Variants in SLC6A2 observed in about 807,000 individuals in gnomAD.
SLC6A2 encodes sodium-dependent noradrenaline transporter.
A neutral mutation model predicts 71.7 loss-of-function variants in SLC6A2; 26 were observed. The ratio of observed to expected loss-of-function variants is 0.36; its 90% CI spans 0.27 to 0.50. The LOEUF (loss-of-function observed/expected upper bound fraction) is 0.50, where lower values mean the gene tolerates loss of function less well. Ranked by LOEUF, SLC6A2 falls within the 20% of genes least tolerant of loss-of-function variation. The pLI is 0.96. For missense variants in SLC6A2, 581 were observed against 803.9 expected, an observed-to-expected ratio of 0.72 and a Z score of 3.35; for synonymous variants, 363 against 337.9, an observed-to-expected ratio of 1.07 and a Z score of -0.82.
At chr16:55,671,746 C>A (rs2142514316) in intron 3 of SLC6A2, 192 bp from the exon 4 acceptor site, 3 of 1,250,542 alleles carry the variant, frequency 2.4e-6, no homozygotes, top group East Asian at 2.5e-5. Context: ...TGAAACTACC[C>A]CCACCCCAAA....
Position 55,659,618 on chromosome 16 carries a change from G to C in SLC6A2, c.274+2650G>C, listed in dbSNP as rs1964556639. 2.6e-5 allele frequency among the ~76,000 whole-genome samples: 4 copies of C among 152,184 alleles called. No individual in the cohort carries two copies. The South Asian group carries it at 8.3e-4, about 31-fold the overall frequency. ...TCTGTGTTTCTAATGCCCAAGATAA[G>C]TCCTAGATCACAGGAATGTGGTAGA... On this transcript the variant is annotated intron_variant, in intron 2 of 14. Coordinates refer to ENST00000568943, the MANE Select transcript of SLC6A2 (RefSeq NM_001172501.3).
At chr16:55,700,514 CA>C (rs1965942098) in intron 13 of SLC6A2, among the ~76,000 whole-genome samples, 2 of 152,134 alleles carry the variant, frequency 1.3e-5, no homozygotes, top group Non-Finnish European at 2.9e-5. Flanking sequence ...TACCCCAAAA[CA>C]AAAAAGAAGT....
chr16:55,657,543 A>T (rs1199409062), intron 2 of SLC6A2, among the ~76,000 whole-genome samples: 1 of 152,202 alleles, frequency 6.6e-6, no homozygotes, highest in African/African-American at 2.4e-5. Context: ...ACACAAGAAG[A>T]AGCCAGTATC....
In SLC6A2 at chr16:55,697,960, C is replaced by T; in HGVS notation, c.1324C>T (p.Arg442Trp). Residue 442 changes from arginine (R) to tryptophan (W), a missense_variant, in exon 10 of 15, where the codon CGG becomes TGG. By Grantham distance (101) the Arg-to-Trp change is moderately radical. This residue lies in a region of SLC6A2 where 334 missense variants were observed against 449.0 expected (regional missense o/e 0.74). Transcript: ENST00000568943. ...ADDFQVLKRHRKLFTFGVTFS... is the reference protein window; with the variant it reads ...ADDFQVLKRHWKLFTFGVTFS... The stretch of plus-strand genomic sequence containing the variant: ...TGACTTCCAGGTCCTGAAGCGACAC[C>T]GGAAACTCTTCACATTTGGCGTCAC... The T allele has an allele frequency of 2.5e-6, 4 of 1,614,046 alleles. No homozygotes were observed. The highest frequency in any genetic ancestry group is 2.7e-5 in the African/African-American group (2 of 75,022).
rs370208376 is a variant in SLC6A2, at chr16:55,702,325, G to A, written c.1833G>A (p.Leu611=). 6.8e-6 allele frequency: 11 copies of A among 1,614,022 alleles called. 1 individual carries two copies. The highest frequency in any genetic ancestry group is 3.3e-4 in the Middle Eastern group (2 of 6,084). Residue 611 remains leucine, a splice_region_variant and synonymous_variant, in exon 15 of 15, where the codon TTG becomes TTA. Coordinates refer to ENST00000568943, the MANE Select transcript of SLC6A2 (RefSeq NM_001172501.3). ...GTCCTCGCTGTCTTTCTCTGCAGTT[G>A]CAACACTGGCTGGCCATCTGAGCCT... ...VAQRDIRQFQ[L]QHWLAI is the part of the protein sequence containing the mutation.
chr16:55,675,063 T>C lies in SLC6A2; in HGVS notation c.644+2888T>C, dbSNP rs146610969. On this transcript the variant is annotated intron_variant, in intron 4 of 14. Transcript: ENST00000568943. The stretch of plus-strand genomic sequence containing the variant: ...ATAGCCATTCTGTTGGGTGTGAGCT[T>C]ATAACCATCATTATTTAATTTGTGG... 2.7e-3 allele frequency among the ~76,000 whole-genome samples: 407 copies of C among 152,308 alleles called. 5 individuals are homozygous for C. The South Asian group carries it at 0.047, about 18-fold the overall frequency.
chr16:55,671,041 G>A (rs1416832300), intron 3 of SLC6A2, among the ~76,000 whole-genome samples: 2 of 152,254 alleles, frequency 1.3e-5, no homozygotes, highest in Non-Finnish European at 2.9e-5. Context: ...GTGGCTGAGA[G>A]TAGGACCCAG....
At chr16:55,667,667 T>A (rs1964791472) in intron 2 of SLC6A2, among the ~76,000 whole-genome samples, 1 of 152,296 alleles carries the variant, frequency 6.6e-6, no homozygotes, top group South Asian at 2.1e-4. Context: ...ACATGGCCAC[T>A]CCAGAGACTT....
intron 5 of SLC6A2, among the ~76,000 whole-genome samples, chr16:55,685,934 G>T (rs1965437441): frequency 6.6e-6 from 1 of 152,094 alleles, no homozygotes; most frequent in South Asian, 2.1e-4. Context: ...TTCAGGAAAT[G>T]GCTCCTGTTG....
chr16:55,691,303 G>T (rs1965621565), intron 5 of SLC6A2, among the ~76,000 whole-genome samples: 1 of 150,180 alleles, frequency 6.7e-6, no homozygotes, highest in African/African-American at 2.5e-5. Context: ...TAAATATCCT[G>T]CCAGTCAGAT....
intron 5 of SLC6A2, among the ~76,000 whole-genome samples, chr16:55,688,483 G>A (rs1965523242): frequency 6.6e-6 from 1 of 152,166 alleles, no homozygotes. Context: ...AATCAGTAAA[G>A]GGTAAATTAA....
rs563840711 is a variant in SLC6A2, at chr16:55,700,322, C to T, written c.1758+16C>T. The T allele has an allele frequency of 2.3e-5, 37 of 1,608,646 alleles. No homozygotes were observed. In the South Asian group the frequency reaches 3.7e-4, roughly 16 times the overall value. On this transcript the variant is annotated intron_variant, in intron 13 of 14. Coordinates refer to ENST00000568943, the MANE Select transcript of SLC6A2 (RefSeq NM_001172501.3). ...TCTTTGGGAGGTGAGCTCTGGTCCT[C>T]CCCAGGGGAACAGGGTGGGAGGGGG...
chr16:55,656,298 T>G lies in SLC6A2; in HGVS notation c.-52+129T>G, dbSNP rs1964445176. 5 of 339,176 alleles carry G rather than the reference T, an allele frequency of 1.5e-5. No individual in the cohort carries two copies. Among genetic ancestry groups the G allele is most frequent in the Non-Finnish European group, 2.8e-5 (5 of 178,190 alleles). 21.0% of individuals were successfully genotyped at this position (339,176 alleles called of 1,614,324 possible). A position where few individuals can be genotyped will look rare whatever the true frequency, so the allele number is the denominator to read the frequency against. On this transcript the variant is annotated intron_variant, in intron 1 of 14. Transcript: ENST00000568943. This position sits in a 1 kb window ranked among gnomAD's most constrained non-coding sequence, Gnocchi z 4.5. ...TGTCCGAGAAGGCTCCTGTGGCTGTTGAAGTGTCGCGGACCTGAGCTGGGG... is the reference window on the plus strand; with the variant it reads ...TGTCCGAGAAGGCTCCTGTGGCTGTGGAAGTGTCGCGGACCTGAGCTGGGG...
chr16:55,695,543 C>T lies in SLC6A2; in HGVS notation c.1147+141C>T. ...GTGTCCAAACCACCCATGTGATTGA[C>T]TTTCCTTTGAGGTTATTAGTGGGCA... On this transcript the variant is annotated intron_variant, in intron 8 of 14. Coordinates refer to ENST00000568943, the MANE Select transcript of SLC6A2 (RefSeq NM_001172501.3). The T allele has an allele frequency of 4.3e-6, 4 of 940,460 alleles. No individual in the cohort carries two copies. The East Asian group carries it at 7.7e-5, about 18-fold the overall frequency. The allele number at this position is 940,460 out of a possible 1,614,324, so 58.3% of individuals were successfully genotyped here.
At position 55,661,587 on chromosome 16, in the gene SLC6A2, G is replaced by A. The variant is rs3785145; in HGVS notation, c.274+4619G>A. ...GGGCAGGATCCTGATTTTGGAAGTA[G>A]CAGAATTCATCCTAAGATGAAATTG... On this transcript the variant is annotated intron_variant, in intron 2 of 14. Coordinates refer to ENST00000568943, the MANE Select transcript of SLC6A2 (RefSeq NM_001172501.3). Among the ~76,000 whole-genome samples the A allele has an allele frequency of 1.5e-4, 23 of 152,316 alleles. 1 individual carries two copies. The East Asian group carries it at 4.4e-3, about 29-fold the overall frequency.
In SLC6A2 at chr16:55,669,590, G is replaced by T. The variant is rs767539013; in HGVS notation, c.300G>T (p.Leu100=). The change falls in exon 3 of 15, where the codon CTG becomes CTT. Residue 100 remains leucine, a synonymous_variant. Transcript: ENST00000568943. ...GTGCCTTCTTGATCCCGTACACACT[G>T]TTCCTTATCATCGCGGGGATGCCCC... ...GGGAFLIPYT[L]FLIIAGMPLF... 4 of 1,614,056 alleles carry T rather than the reference G, an allele frequency of 2.5e-6. No individual in the cohort carries two copies. Among genetic ancestry groups the T allele is most frequent in the Non-Finnish European group, 3.4e-6 (4 of 1,179,956 alleles).
chr16:55,669,394 C>T (rs368129299), intron 2 of SLC6A2, among the ~76,000 whole-genome samples, 171 bp from the exon 3 acceptor site: 4 of 152,210 alleles, frequency 2.6e-5, no homozygotes, highest in African/African-American at 9.7e-5. Context: ...ATGATTATTA[C>T]TACCACAAAT....
At chr16:55,659,737 C>T (rs926231124) in intron 2 of SLC6A2, among the ~76,000 whole-genome samples, 2 of 152,214 alleles carry the variant, frequency 1.3e-5, no homozygotes, top group Admixed American at 6.5e-5. Context: ...CAGAAACACT[C>T]AGTGGTAACT....
At chr16:55,697,788 C>A in intron 9 of SLC6A2, 109 bp from the exon 10 acceptor site, 1 of 1,154,066 alleles carries the variant, frequency 8.7e-7, no homozygotes, top group Non-Finnish European at 1.3e-6. Context: ...AGAGGCAAGG[C>A]AGCCTACATG....
Sources: gnomAD v4.1 joint callset for allele counts (sites outside exome capture counted in the v4.1 genomes callset) on GRCh38, gnomAD v4.1.1 for gene constraint, gnomAD v4.1.1 regional missense constraint, Gnocchi (gnomAD v3.1) non-coding constraint, MANE v1.5 for transcripts, NCBI Gene and HGNC (gene_info 2026-07-23, HGNC 2026-07-21) for gene names.